ADAMTS17: variants seen among roughly 807,000 people sequenced by gnomAD.
ADAMTS17 encodes A disintegrin and metalloproteinase with thrombospondin motifs 17.
A neutral mutation model predicts 141.5 loss-of-function variants in ADAMTS17; 113 were observed. The observed-to-expected ratio is 0.80, with a 90% CI of 0.69 to 0.93. ADAMTS17 has a LOEUF of 0.93. Ranked by LOEUF, ADAMTS17 falls within the 40% of genes least tolerant of loss-of-function variation. The pLI is 0.00. For missense variants in ADAMTS17, 1,659 were observed against 1,517.9 expected (o/e 1.09, Z -1.54); for synonymous variants, 768 against 630.6 (o/e 1.22, Z -3.27).
At chr15:100,147,068 C>A (rs2038942262) in intron 10 of ADAMTS17, among the ~76,000 whole-genome samples, 1 of 152,124 alleles carries the variant, frequency 6.6e-6, no homozygotes, top group Non-Finnish European at 1.5e-5. Flanking sequence ...TTCTGAAGTA[C>A]TTGATGTCTG....
At chr15:100,079,652 A>C (rs887496948) in intron 15 of ADAMTS17, among the ~76,000 whole-genome samples, 1 of 152,170 alleles carries the variant, frequency 6.6e-6, no homozygotes, top group Non-Finnish European at 1.5e-5. Context: ...CAAGTTGATT[A>C]TATTGTACCT....
intron 20 of ADAMTS17, chr15:99,978,607 G>T (rs1325181218): frequency 6.6e-6 from 1 of 152,254 alleles, no homozygotes; most frequent in African/African-American, 2.4e-5. Flanking sequence ...GGCATCAGGC[G>T]CATGGAAGTT....
At chr15:100,097,090 G>C (rs540744263) in intron 14 of ADAMTS17, among the ~76,000 whole-genome samples, 2 of 152,320 alleles carry the variant, frequency 1.3e-5, no homozygotes, top group African/African-American at 4.8e-5. Flanking sequence ...CAGAGGAGAG[G>C]CTGCCTCTAC....
chr15:100,090,148 A>G (rs1476945597), intron 15 of ADAMTS17, among the ~76,000 whole-genome samples: 1 of 152,200 alleles, frequency 6.6e-6, no homozygotes, highest in Non-Finnish European at 1.5e-5. Context: ...TCTTAGAGAA[A>G]TCCATTCCTT....
rs1016206521 is a variant in ADAMTS17, at chr15:99,974,112, G to T, written c.*290C>A. 1.6e-4 allele frequency: 79 copies of T among 496,512 alleles called. No homozygotes were observed. In the East Asian group the frequency reaches 2.9e-3, roughly 18 times the overall value. 30.8% of individuals were successfully genotyped at this position (496,512 alleles called of 1,614,324 possible). A position where few individuals can be genotyped will look rare whatever the true frequency, so the allele number is the denominator to read the frequency against. ...GAACACTAAATGATGTCTCTCTCTT[G>T]ACGGTTGTCTGCCAGAGGTGCTTCC... On this transcript the variant is annotated 3_prime_UTR_variant, in exon 22 of 22. Coordinates refer to ENST00000268070, the MANE Select transcript of ADAMTS17 (RefSeq NM_139057.4).
chr15:100,026,553 A>C (rs2061518497), intron 18 of ADAMTS17, among the ~76,000 whole-genome samples: 1 of 152,214 alleles, frequency 6.6e-6, no homozygotes, highest in African/African-American at 2.4e-5. Context: ...CACATACCAT[A>C]AATTGTGCTC....
At chr15:100,117,658 G>A (rs1226541706) in intron 12 of ADAMTS17, among the ~76,000 whole-genome samples, 1 of 152,128 alleles carries the variant, frequency 6.6e-6, no homozygotes, top group Non-Finnish European at 1.5e-5. Context: ...GTTCCAGACT[G>A]TGTTCACTGG....
At chr15:100,124,682 C>T (rs541456605) in intron 12 of ADAMTS17, among the ~76,000 whole-genome samples, 1 of 152,322 alleles carries the variant, frequency 6.6e-6, no homozygotes, top group African/African-American at 2.4e-5. Context: ...ATACTGTGCA[C>T]GGAGCTGTGC....
chr15:100,222,589 C>A (rs896223728), intron 7 of ADAMTS17, among the ~76,000 whole-genome samples: 6 of 152,188 alleles, frequency 3.9e-5, no homozygotes, highest in African/African-American at 1.4e-4. Context: ...CTGGCCCAGT[C>A]CATCCTAGGA....
At chr15:100,157,284 T>C (rs531895600) in intron 8 of ADAMTS17, among the ~76,000 whole-genome samples, 5 of 152,194 alleles carry the variant, frequency 3.3e-5, no homozygotes, top group Non-Finnish European at 4.4e-5. Context: ...GGAAGTCCAA[T>C]TGGCAGACAC....
chr15:100,231,260 A>G (rs1233091877), intron 7 of ADAMTS17, among the ~76,000 whole-genome samples: 1 of 152,260 alleles, frequency 6.6e-6, no homozygotes, highest in Non-Finnish European at 1.5e-5. Flanking sequence ...CCAAAGGCAC[A>G]ACTACTTATC....
intron 20 of ADAMTS17, among the ~76,000 whole-genome samples, chr15:99,978,037 C>T (rs2060402540): frequency 6.6e-6 from 1 of 152,182 alleles, no homozygotes; most frequent in African/African-American, 2.4e-5. Context: ...TTGGGCGCAG[C>T]CTTGTTCTCT....
intron 3 of ADAMTS17, among the ~76,000 whole-genome samples, chr15:100,291,491 G>GTATA (rs1353983914): frequency 6.6e-6 from 1 of 152,098 alleles, no homozygotes; most frequent in Non-Finnish European, 1.5e-5. Flanking sequence ...CCATTATTGA[G>GTATA]TATATACCCA....
chr15:100,110,452 G>A (rs561667226), intron 13 of ADAMTS17, among the ~76,000 whole-genome samples: 1 of 151,624 alleles, frequency 6.6e-6, no homozygotes, highest in South Asian at 2.1e-4. Flanking sequence ...TTTCAGTAGA[G>A]ACACCGTTTC....
chr15:99,997,814 G>T lies in ADAMTS17; in HGVS notation c.2592-225C>A, dbSNP rs1196387995. On this transcript the variant is annotated intron_variant, in intron 18 of 21. Transcript: ENST00000268070. This position sits in a 1 kb window ranked among gnomAD's most constrained non-coding sequence, Gnocchi z 4.7. ...GTCTCCTCAGCACAGACATCTTTCT[G>T]CAACCAACACCCCTACGGCAGACAG... Among the ~76,000 whole-genome samples, 1 of 152,206 alleles carries T rather than the reference G, an allele frequency of 6.6e-6. No individual in the cohort carries two copies.
intron 20 of ADAMTS17, among the ~76,000 whole-genome samples, chr15:99,985,676 T>C (rs2060571289): frequency 6.6e-6 from 1 of 152,168 alleles, no homozygotes; most frequent in African/African-American, 2.4e-5. Context: ...CCAAGGTGGA[T>C]TACCAGCTCT....
chr15:100,046,543 C>T (rs527628442), intron 18 of ADAMTS17, among the ~76,000 whole-genome samples: 12 of 152,178 alleles, frequency 7.9e-5, no homozygotes, highest in African/African-American at 9.7e-5. Flanking sequence ...GAACCCCGAA[C>T]GGAGGGACCG....
At chr15:100,306,392 T>C (rs867355787) in intron 3 of ADAMTS17, 5 of 436,840 alleles carry the variant, frequency 1.1e-5, no homozygotes, top group Non-Finnish European at 2.3e-5. Flanking sequence ...CTGGTGGCCA[T>C]AGAAGAAGTA....
chr15:100,142,833 C>T (rs1433346864), intron 10 of ADAMTS17, among the ~76,000 whole-genome samples: 3 of 152,328 alleles, frequency 2.0e-5, no homozygotes, highest in Non-Finnish European at 2.9e-5. Context: ...TATAACCAGT[C>T]TAGATCCTGT....
Sources: allele counts gnomAD v4.1 joint callset (sites outside exome capture counted in the v4.1 genomes callset), GRCh38; gene constraint gnomAD v4.1.1; non-coding constraint Gnocchi (gnomAD v3.1); transcripts MANE v1.5; gene names NCBI Gene and HGNC (gene_info 2026-07-23, HGNC 2026-07-21).